Variants in MAL2 observed in about 807,000 individuals in gnomAD.
MAL2 encodes the protein mal, T cell differentiation protein 2, also known as protein MAL2.
MAL2 carries 17 observed loss-of-function variants against 18.1 expected under a neutral mutation model. The ratio of observed to expected loss-of-function variants is 0.94; its 90% CI spans 0.64 to 1.41. The LOEUF is 1.41. Among genes scored for constraint, MAL2 ranks in the 40% most tolerant of loss-of-function variants. MAL2 has a pLI of 0.00. For missense variants in MAL2, 222 were observed against 231.9 expected, an observed-to-expected ratio of 0.96 and a Z score of 0.28; for synonymous variants, 102 against 102.3, an observed-to-expected ratio of 1.00 and a Z score of 0.02.
intron 3 of MAL2, among the ~76,000 whole-genome samples, chr8:119,241,370 GAAA>G (rs373623796): frequency 6.6e-6 from 1 of 151,512 alleles, no homozygotes; most frequent in South Asian, 2.1e-4. Context: ...TCTGAAAAAG[GAAA>G]AAAAACAGAA....
At chr8:119,236,583 T>G (rs901518130) in intron 2 of MAL2, among the ~76,000 whole-genome samples, 20 of 151,846 alleles carry the variant, frequency 1.3e-4, no homozygotes, top group African/African-American at 4.8e-4. Flanking sequence ...ACAGAAATTA[T>G]AACAAACTCT....
chr8:119,210,932 G>A (rs1002195910), intron 1 of MAL2, among the ~76,000 whole-genome samples: 2 of 152,022 alleles, frequency 1.3e-5, no homozygotes, highest in Admixed American at 6.5e-5. Flanking sequence ...AACTGGTGAC[G>A]TTAGAGAAAC....
rs572952721 is a variant in MAL2, at chr8:119,237,497, T to G, written c.304-2668T>G. Among the ~76,000 whole-genome samples the G allele has an allele frequency of 1.1e-4, 17 of 151,668 alleles. No homozygotes were observed. The South Asian group carries it at 3.5e-3, about 31-fold the overall frequency. On this transcript the variant is annotated intron_variant, in intron 2 of 3. Coordinates refer to ENST00000614891, the MANE Select transcript of MAL2 (RefSeq NM_052886.3). ...AGAGAGACAACCAAAAAAGAGAATT[T>G]TAGACCAATATCCTTGATGAACATT... is the stretch of plus-strand genomic sequence containing the variant.
chr8:119,238,030 G>C (rs1441759382), intron 2 of MAL2, among the ~76,000 whole-genome samples: 2 of 152,182 alleles, frequency 1.3e-5, no homozygotes, highest in Non-Finnish European at 2.9e-5. Context: ...TGTATATCTA[G>C]AAAACCCCAT....
chr8:119,211,685 C>T (rs1409409356), intron 1 of MAL2, among the ~76,000 whole-genome samples: 2 of 142,432 alleles, frequency 1.4e-5, no homozygotes, highest in Middle Eastern at 3.5e-3. Flanking sequence ...TACAATCTCA[C>T]GTGCATAGTG....
intron 2 of MAL2, among the ~76,000 whole-genome samples, chr8:119,236,849 C>T (rs1169160915): frequency 2.0e-5 from 3 of 150,436 alleles, no homozygotes; most frequent in Admixed American, 6.6e-5. Context: ...AGGAAAGATC[C>T]AAAATTGACA....
chr8:119,224,026 C>T (rs1817528522), intron 2 of MAL2: 1 of 152,094 alleles, frequency 6.6e-6, no homozygotes, highest in African/African-American at 2.4e-5. Context: ...CCACTTTAGA[C>T]CATACTTGAA....
intron 2 of MAL2, among the ~76,000 whole-genome samples, chr8:119,233,059 T>C (rs936686751): frequency 6.6e-6 from 1 of 152,178 alleles, no homozygotes; most frequent in African/African-American, 2.4e-5. Context: ...GTATATTCTG[T>C]TGATTTGGGG....
chr8:119,235,509 A>C (rs1817865127), intron 2 of MAL2, among the ~76,000 whole-genome samples: 1 of 149,238 alleles, frequency 6.7e-6, no homozygotes, highest in Admixed American at 6.8e-5. Flanking sequence ...GATTCACCAA[A>C]GTTGAAATGA....
chr8:119,211,306 G>C, intron 1 of MAL2, among the ~76,000 whole-genome samples: 1 of 152,104 alleles, frequency 6.6e-6, no homozygotes, highest in East Asian at 1.9e-4. Context: ...AACCTCTGCC[G>C]GTGTTTCTGG....
In MAL2 at chr8:119,222,357, C is replaced by T. The variant is rs1357690784; in HGVS notation, c.303+600C>T. 4.0e-5 allele frequency among the ~76,000 whole-genome samples: 6 copies of T among 151,250 alleles called. No individual in the cohort carries two copies. In the East Asian group the frequency reaches 9.8e-4, roughly 25 times the overall value. On this transcript the variant is annotated intron_variant, in intron 2 of 3. Coordinates refer to ENST00000614891, the MANE Select transcript of MAL2 (RefSeq NM_052886.3). ...CAGCCTGGCCAACATGGTGACACCC[C>T]GTCTCTACTAAAAATACAAAAATTA...
At chr8:119,238,010 A>G (rs1483657551) in intron 2 of MAL2, among the ~76,000 whole-genome samples, 1 of 152,240 alleles carries the variant, frequency 6.6e-6, no homozygotes, top group Non-Finnish European at 1.5e-5. Context: ...CTGTTTGCAG[A>G]TGACATGATT....
intron 2 of MAL2, chr8:119,223,914 T>A (rs1817525614): frequency 6.6e-6 from 1 of 152,186 alleles, no homozygotes; most frequent in Admixed American, 6.5e-5. Flanking sequence ...ATGTATATAA[T>A]GGAATTGTCA....
At chr8:119,222,347 G>A (rs1466286888) in intron 2 of MAL2, among the ~76,000 whole-genome samples, 1 of 151,726 alleles carries the variant, frequency 6.6e-6, no homozygotes, top group African/African-American at 2.4e-5. Context: ...TGGCCAACAT[G>A]GTGACACCCC....
chr8:119,236,900 AAC>A (rs1817912934), intron 2 of MAL2, among the ~76,000 whole-genome samples: 1 of 150,072 alleles, frequency 6.7e-6, no homozygotes, highest in Non-Finnish European at 1.5e-5. Flanking sequence ...AGCAAGAGCA[AAC>A]ACATTCAAAA....
At chr8:119,243,241 G>A (rs1330344330) in intron 3 of MAL2, among the ~76,000 whole-genome samples, 176 bp from the exon 4 acceptor site, 1 of 150,740 alleles carries the variant, frequency 6.6e-6, no homozygotes, top group African/African-American at 2.5e-5. Context: ...ATTGTATGAG[G>A]GAATAAAACA....
intron 1 of MAL2, among the ~76,000 whole-genome samples, chr8:119,210,264 A>G (rs1587115886): frequency 6.6e-6 from 1 of 152,174 alleles, no homozygotes; most frequent in African/African-American, 2.4e-5. Context: ...AAATATATAT[A>G]CATGTGTATA....
chr8:119,230,289 A>ATGGAGTG (rs1817689759), intron 2 of MAL2, among the ~76,000 whole-genome samples: 1 of 152,128 alleles, frequency 6.6e-6, no homozygotes, highest in African/African-American at 2.4e-5. Context: ...ACCCAAGCAT[A>ATGGAGTG]TGGAGTGAGA....
chr8:119,233,722 T>C (rs984606127), intron 2 of MAL2, among the ~76,000 whole-genome samples: 79 of 152,060 alleles, frequency 5.2e-4, no homozygotes, highest in African/African-American at 1.8e-3. Flanking sequence ...ACCAGATGGA[T>C]TCACAGCCGA....
Sources: allele counts gnomAD v4.1 joint callset (sites outside exome capture counted in the v4.1 genomes callset), GRCh38; gene constraint gnomAD v4.1.1; transcripts MANE v1.5; gene names NCBI Gene and HGNC (gene_info 2026-07-23, HGNC 2026-07-21).